TNRC6C: variants seen among roughly 807,000 people sequenced by gnomAD.
The protein encoded by TNRC6C is trinucleotide repeat-containing gene 6C protein.
A neutral mutation model predicts 153.7 loss-of-function variants in TNRC6C; 20 were observed. The observed-to-expected ratio is 0.13, with a 90% CI of 0.09 to 0.19. TNRC6C has a LOEUF of 0.19. TNRC6C is among the 10% of genes least tolerant of loss of function. The pLI, the probability that TNRC6C is intolerant of heterozygous loss-of-function variation, is 1.00. For synonymous variants in TNRC6C, 811 were observed against 841.4 expected, an observed-to-expected ratio of 0.96 and a Z score of 0.63; for missense variants, 1,987 against 2,172.0, an observed-to-expected ratio of 0.91 and a Z score of 1.69.
intron 11 of TNRC6C, among the ~76,000 whole-genome samples, chr17:78,085,597 T>C (rs1598775021): frequency 6.6e-6 from 1 of 152,188 alleles, no homozygotes; most frequent in Admixed American, 6.5e-5. Context: ...TCTATGTCAG[T>C]GTACAGAAGA....
At chr17:78,031,827 A>G (rs1349612729) in exon 2 of TNRC6C, 2 of 1,232,140 alleles carry the variant, frequency 1.6e-6, no homozygotes, top group African/African-American at 3.1e-5. Flanking sequence ...GCATCATCCC[A>G]GTAAGCTCCA....
At chr17:78,069,478 G>T (rs1386732733) in intron 5 of TNRC6C, among the ~76,000 whole-genome samples, 1 of 152,086 alleles carries the variant, frequency 6.6e-6, no homozygotes, top group Non-Finnish European at 1.5e-5. Context: ...TGAACTCCTG[G>T]GCTCGAATTG....
At chr17:78,007,850 A>G (rs2071550055) in intron 1 of TNRC6C, among the ~76,000 whole-genome samples, 2 of 152,156 alleles carry the variant, frequency 1.3e-5, no homozygotes, top group Admixed American at 1.3e-4. Context: ...AAATTCCCTT[A>G]CTCTGCAATA....
chr17:77,974,216 CA>C (rs1260697998), intron 1 of TNRC6C, among the ~76,000 whole-genome samples: 2 of 152,078 alleles, frequency 1.3e-5, no homozygotes, highest in African/African-American at 4.8e-5. Flanking sequence ...AATAATAAGA[CA>C]AAGTACCCAA....
intron 2 of TNRC6C, among the ~76,000 whole-genome samples, chr17:78,034,629 G>A (rs1215043474): frequency 6.6e-6 from 1 of 152,118 alleles, no homozygotes; most frequent in East Asian, 1.9e-4. Flanking sequence ...TTGCTGATTA[G>A]GTCATAAGAG....
intron 1 of TNRC6C, among the ~76,000 whole-genome samples, chr17:77,989,723 G>A (rs1480278135): frequency 6.6e-6 from 1 of 152,170 alleles, no homozygotes; most frequent in Non-Finnish European, 1.5e-5. Context: ...CTGGCACATT[G>A]TGTGGCCAGT....
intron 1 of TNRC6C, among the ~76,000 whole-genome samples, chr17:77,983,769 T>TC (rs1236240801): frequency 2.0e-5 from 3 of 152,206 alleles, no homozygotes; most frequent in African/African-American, 7.2e-5. Context: ...CTTTGCTTTT[T>TC]CCCCCCTTAT....
intron 11 of TNRC6C, 148 bp from the exon 14 acceptor site, chr17:78,086,355 A>C (rs976574204): frequency 5.6e-5 from 28 of 497,394 alleles, no homozygotes; most frequent in African/African-American, 8.7e-5. Context: ...AAAAAAAAAA[A>C]AAAAACAGTA....
At chr17:78,071,144 A>G (rs1259137207) in exon 6 of TNRC6C, 1 of 1,605,550 alleles carries the variant, frequency 6.2e-7, no homozygotes, top group South Asian at 1.1e-5. Flanking sequence ...TGATCAAACA[A>G]CTCACAGACA....
chr17:78,096,472 G>C (rs2311001), intron 16 of TNRC6C, among the ~76,000 whole-genome samples: 70,522 of 152,084 alleles, frequency 0.46, 17,809 homozygotes, highest in African/African-American at 0.67. Flanking sequence ...ATGTTAACTT[G>C]CCTCAGCTCT....
intron 1 of TNRC6C, among the ~76,000 whole-genome samples, chr17:77,993,298 C>G (rs1410653158): frequency 6.6e-6 from 1 of 152,064 alleles, no homozygotes; most frequent in African/African-American, 2.4e-5. Flanking sequence ...AACCAGAAAG[C>G]CAAAAGGTGG....
intron 12 of TNRC6C, 108 bp downstream of exon 14, chr17:78,086,694 C>A: frequency 6.4e-7 from 1 of 1,559,502 alleles, no homozygotes; most frequent in Non-Finnish European, 8.8e-7. Context: ...CTAGCCAAGC[C>A]TTCCTTTGAA....
chr17:78,046,515 G>A (rs2072414117), intron 2 of TNRC6C, among the ~76,000 whole-genome samples: 3 of 152,164 alleles, frequency 2.0e-5, no homozygotes, highest in Admixed American at 2.0e-4. Flanking sequence ...ATTATCTGTT[G>A]TATCTTCTCC....
chr17:78,012,159 C>G (rs569602921), intron 1 of TNRC6C: 1 of 152,276 alleles, frequency 6.6e-6, no homozygotes, highest in African/African-American at 2.4e-5. Context: ...CACATTTTAT[C>G]TAGCTTTTAG....
intron 1 of TNRC6C, among the ~76,000 whole-genome samples, chr17:77,981,055 A>G (rs910785636): frequency 6.6e-6 from 1 of 152,116 alleles, no homozygotes; most frequent in Non-Finnish European, 1.5e-5. Flanking sequence ...GGCTCACTGC[A>G]GCCTCAACCT....
chr17:78,104,852 CCAT>C lies in TNRC6C; in HGVS notation c.*13_*15del. The C allele has an allele frequency of 1.4e-6, 2 of 1,418,404 alleles. No homozygotes were observed. The highest frequency in any genetic ancestry group is 1.8e-6 in the Non-Finnish European group (2 of 1,090,148). 87.9% of individuals were successfully genotyped at this position (1,418,404 alleles called of 1,614,324 possible). ...CAGCGGGGAGTCCCTGTAGGCTCTGCCATCATCAGCACCAGGAGAGCCGACCCC... is the reference window on the plus strand; with the variant it reads ...CAGCGGGGAGTCCCTGTAGGCTCTGCCATCAGCACCAGGAGAGCCGACCCC... On this transcript the variant is annotated 3_prime_UTR_variant, in exon 20 of 20. Coordinates refer to ENST00000301624, the Ensembl canonical transcript of TNRC6C. This position sits in a 1 kb window ranked among gnomAD's most constrained non-coding sequence, Gnocchi z 6.2.
chr17:78,064,690 T>C, intron 3 of TNRC6C, 32 bp from the exon 6 acceptor site: 6 of 1,604,748 alleles, frequency 3.7e-6, no homozygotes, highest in Non-Finnish European at 5.1e-6. Context: ...TGCACTTTCA[T>C]TATTTTCTCT....
intron 2 of TNRC6C, among the ~76,000 whole-genome samples, chr17:78,043,135 A>G (rs1164838187): frequency 6.6e-6 from 1 of 152,212 alleles, no homozygotes; most frequent in Admixed American, 6.5e-5. Context: ...AAGTATGGAA[A>G]AAAAGGAAAA....
At chr17:78,011,697 A>G (rs759817758) in intron 1 of TNRC6C, among the ~76,000 whole-genome samples, 7 of 152,228 alleles carry the variant, frequency 4.6e-5, no homozygotes, top group Non-Finnish European at 1.0e-4. Flanking sequence ...GAGTAAATGT[A>G]TAATAGTAAA....
Sources: gnomAD v4.1 joint callset for allele counts (sites outside exome capture counted in the v4.1 genomes callset) on GRCh38, gnomAD v4.1.1 for gene constraint, Gnocchi (gnomAD v3.1) non-coding constraint, MANE v1.5 for transcripts, NCBI Gene and HGNC (gene_info 2026-07-23, HGNC 2026-07-21) for gene names.